Variants in TRDN observed in about 807,000 individuals in gnomAD.
The protein encoded by TRDN is triadin.
Under a neutral mutation model 149.7 loss-of-function variants are expected in TRDN, and 161 were observed. That is an observed-to-expected ratio of 1.08 (90% CI 0.95 to 1.23). The LOEUF (loss-of-function observed/expected upper bound fraction) is 1.23, where lower values mean the gene tolerates loss of function less well. TRDN is among the 50% of genes most tolerant of loss of function. The pLI is 0.00. For synonymous variants in TRDN, 294 were observed against 250.5 expected, an observed-to-expected ratio of 1.17 and a Z score of -1.64; for missense variants, 896 against 823.5, an observed-to-expected ratio of 1.09 and a Z score of -1.08.
intron 1 of TRDN, among the ~76,000 whole-genome samples, chr6:123,588,547 G>A (rs1353550509): frequency 6.6e-6 from 1 of 152,114 alleles, no homozygotes; most frequent in South Asian, 2.1e-4. Flanking sequence ...TTTACAAAAT[G>A]AATAAAAATC....
intron 12 of TRDN, among the ~76,000 whole-genome samples, chr6:123,399,847 C>T (rs1353816962): frequency 6.6e-6 from 1 of 152,016 alleles, no homozygotes; most frequent in African/African-American, 2.4e-5. Flanking sequence ...AATAAGCATT[C>T]CTTTTGCATT....
At chr6:123,474,602 C>G (rs1256304558) in intron 9 of TRDN, among the ~76,000 whole-genome samples, 1 of 152,204 alleles carries the variant, frequency 6.6e-6, no homozygotes, top group East Asian at 1.9e-4. Context: ...AACTCTCCAC[C>G]CCAAATCAAC....
intron 12 of TRDN, among the ~76,000 whole-genome samples, chr6:123,432,518 G>A (rs753637789): frequency 7.3e-5 from 11 of 150,594 alleles, no homozygotes; most frequent in Non-Finnish European, 1.5e-4. Flanking sequence ...TATATATTCT[G>A]TCCCTCTGAG....
chr6:123,333,821 T>G (rs566553682), intron 22 of TRDN, among the ~76,000 whole-genome samples: 6 of 152,188 alleles, frequency 3.9e-5, no homozygotes, highest in African/African-American at 1.4e-4. Context: ...TTGGAAAACA[T>G]TTTTTAAAAT....
At chr6:123,527,793 A>G (rs969926737) in intron 5 of TRDN, among the ~76,000 whole-genome samples, 1 of 151,788 alleles carries the variant, frequency 6.6e-6, no homozygotes, top group Non-Finnish European at 1.5e-5. Context: ...AAAATAAAAT[A>G]AATTTCTACC....
chr6:123,254,856 G>T, intron 37 of TRDN: 1 of 394,808 alleles, frequency 2.5e-6, no homozygotes, highest in Non-Finnish European at 4.8e-6. Flanking sequence ...CAGAATATTT[G>T]TTCATGTTAA....
At chr6:123,422,001 AAAT>A (rs1158720957) in intron 12 of TRDN, among the ~76,000 whole-genome samples, 1 of 152,092 alleles carries the variant, frequency 6.6e-6, no homozygotes, top group Admixed American at 6.6e-5. Flanking sequence ...AAAACAATAA[AAAT>A]AACACAACAA....
chr6:123,377,939 T>C (rs1781572643), intron 16 of TRDN, 41 bp from the exon 17 acceptor site: 8 of 1,355,266 alleles, frequency 5.9e-6, no homozygotes, highest in Non-Finnish European at 8.0e-6. Flanking sequence ...ATCGTTATTA[T>C]TCTAAAGTTT....
chr6:123,615,484 ATG>A (rs941660973), intron 1 of TRDN, among the ~76,000 whole-genome samples: 7 of 151,426 alleles, frequency 4.6e-5, no homozygotes, highest in South Asian at 2.1e-4. Flanking sequence ...GTGTGTGTGT[ATG>A]TGTGTGTGTG....
intron 24 of TRDN, among the ~76,000 whole-genome samples, chr6:123,288,865 GTTTACAGCAAT>G (rs1777892816): frequency 6.6e-6 from 1 of 151,786 alleles, no homozygotes; most frequent in Admixed American, 6.6e-5. Context: ...TTTTCAGCTA[GTTTACAGCAAT>G]TTCACGTCTG....
chr6:123,402,041 C>G (rs2163446), intron 12 of TRDN, among the ~76,000 whole-genome samples: 1 of 152,026 alleles, frequency 6.6e-6, no homozygotes, highest in Middle Eastern at 3.2e-3. Context: ...GACAATGTAT[C>G]CTCCTGGAAT....
chr6:123,579,374 C>A (rs1290867415), intron 1 of TRDN, among the ~76,000 whole-genome samples: 5 of 152,028 alleles, frequency 3.3e-5, no homozygotes, highest in African/African-American at 7.2e-5. Context: ...TTATCAGAAC[C>A]TTTTTCTTCA....
chr6:123,576,757 G>T (rs1481166947), intron 1 of TRDN, among the ~76,000 whole-genome samples: 1 of 152,052 alleles, frequency 6.6e-6, no homozygotes, highest in African/African-American at 2.4e-5. Flanking sequence ...GCCAGGAAAG[G>T]GAGGTCTGGG....
intron 33 of TRDN, among the ~76,000 whole-genome samples, chr6:123,261,959 T>C (rs1454197906): frequency 6.6e-6 from 1 of 151,964 alleles, no homozygotes; most frequent in African/African-American, 2.4e-5. Context: ...TGTCATGTGC[T>C]GTTAAGAAAA....
At chr6:123,353,189 A>G (rs6569339) in intron 20 of TRDN, among the ~76,000 whole-genome samples, 127,796 of 151,704 alleles carry the variant, frequency 0.84, 54,839 homozygotes, top group East Asian at 0.99. Context: ...ATTTGGAATC[A>G]GTGCACTCCA....
chr6:123,571,208 A>G (rs1753507167), intron 1 of TRDN, 76 bp from the exon 2 acceptor site: 5 of 1,480,936 alleles, frequency 3.4e-6, no homozygotes, highest in Non-Finnish European at 2.8e-6. Context: ...CACTGACTAT[A>G]TGAGTGCTGA....
chr6:123,504,308 TAA>T (rs1165198465), intron 7 of TRDN, among the ~76,000 whole-genome samples: 4 of 152,144 alleles, frequency 2.6e-5, no homozygotes, highest in African/African-American at 9.7e-5. Context: ...TCTCCTTTTA[TAA>T]GCACATGATC....
intron 12 of TRDN, 74 bp downstream of exon 12, chr6:123,437,989 G>T: frequency 7.8e-7 from 1 of 1,276,770 alleles, no homozygotes; most frequent in African/African-American, 1.5e-5. Flanking sequence ...ATTTGTGTAT[G>T]TTGCATGAGG....
intron 23 of TRDN, among the ~76,000 whole-genome samples, chr6:123,327,241 C>T (rs948588783): frequency 1.3e-5 from 2 of 152,100 alleles, no homozygotes; most frequent in African/African-American, 4.8e-5. Flanking sequence ...CGTTCCTATA[C>T]CCGTACTATT....
Sources: allele counts gnomAD v4.1 joint callset (sites outside exome capture counted in the v4.1 genomes callset), GRCh38; gene constraint gnomAD v4.1.1; transcripts MANE v1.5; gene names NCBI Gene and HGNC (gene_info 2026-07-23, HGNC 2026-07-21).